PCGF2: variants seen among roughly 807,000 people sequenced by gnomAD.
PCGF2 encodes polycomb group ring finger 2.
A neutral mutation model predicts 36.1 loss-of-function variants in PCGF2; 8 were observed. The ratio of observed to expected loss-of-function variants is 0.22; its 90% confidence interval spans 0.13 to 0.40. PCGF2 has a LOEUF of 0.40. Ranked by LOEUF, PCGF2 falls within the 10% of genes least tolerant of loss-of-function variation. The pLI, the probability that PCGF2 is intolerant of heterozygous loss-of-function variation, is 1.00. For missense variants in PCGF2, 436 were observed against 475.9 expected, an observed-to-expected ratio of 0.92 and a Z score of 0.78; for synonymous variants, 198 against 191.2, an observed-to-expected ratio of 1.04 and a Z score of -0.29.
chr17:38,742,023 TCA>T (rs1444575497), intron 2 of PCGF2, among the ~76,000 whole-genome samples: 2 of 152,210 alleles, frequency 1.3e-5, no homozygotes, highest in Non-Finnish European at 2.9e-5. Context: ...CCACAGGCTC[TCA>T]CAGATGCCTG....
At chr17:38,736,216 G>A in intron 9 of PCGF2, 46 bp from the exon 10 acceptor site, 1 of 1,304,142 alleles carries the variant, frequency 7.7e-7, no homozygotes, top group Non-Finnish European at 1.1e-6. Flanking sequence ...CCAGCTCGGG[G>A]CTCCAGGCTG....
chr17:38,735,586 G>C lies in PCGF2; in HGVS notation c.672C>G (p.Pro224=), dbSNP rs1369061237. ...AGGCTGGCTGGACACGGTACTTGAGGGGGAGAGGCCCGTTCTGCGGGGAGA... is the reference window on the plus strand; with the variant it reads ...AGGCTGGCTGGACACGGTACTTGAGCGGGAGAGGCCCGTTCTGCGGGGAGA... ...IYPWRRNGPL[P]LKYRVQPACK... Residue 224 remains proline, a synonymous_variant, in exon 11 of 11, where the codon CCC becomes CCG. Coordinates refer to ENST00000620225, the MANE Select transcript of PCGF2 (RefSeq NM_007144.3). 4.4e-6 allele frequency: 7 copies of C among 1,576,024 alleles called. No individual in the cohort carries two copies. The highest frequency in any genetic ancestry group is 1.8e-5 in the Admixed American group (1 of 56,294).
chr17:38,749,123 G>A (rs115678428), upstream of PCGF2, among the ~76,000 whole-genome samples: 4,814 of 152,332 alleles, frequency 0.032, 251 homozygotes, highest in African/African-American at 0.11. The surrounding 1 kb of genome is among the most constrained non-coding windows in gnomAD (Gnocchi z 6.5). Context: ...GGGAACTCAG[G>A]CTCCGGGTCT....
At position 38,735,599 on chromosome 17, in the gene PCGF2, T is replaced by A. The variant is rs773177453; in HGVS notation, c.659A>T (p.Asn220Ile). 1.9e-6 allele frequency: 3 copies of A among 1,560,322 alleles called. No homozygotes were observed. The highest frequency in any genetic ancestry group is 8.7e-7 in the Non-Finnish European group (1 of 1,148,820). The change falls in exon 11 of 11, where the codon AAC becomes ATC. Residue 220 changes from asparagine (N) to isoleucine (I), a missense_variant and splice_region_variant. Physicochemically the swap from Asn to Ile is moderately radical, Grantham distance 149. Coordinates refer to ENST00000620225, the MANE Select transcript of PCGF2 (RefSeq NM_007144.3). ...ACGGTACTTGAGGGGGAGAGGCCCG[T>A]TCTGCGGGGAGAGTGGGGAGGAGAG... ...DIAYIYPWRRNGPLPLKYRVQ... is the reference protein window; with the variant it reads ...DIAYIYPWRRIGPLPLKYRVQ...
At chr17:38,742,017 A>G (rs1907233212) in intron 2 of PCGF2, among the ~76,000 whole-genome samples, 4 of 152,128 alleles carry the variant, frequency 2.6e-5, no homozygotes, top group Admixed American at 2.6e-4. Context: ...GACAAACCAC[A>G]GGCTCTCACA....
chr17:38,738,565 C>G lies in PCGF2; in HGVS notation c.456G>C (p.Glu152Asp). Reference sequence around the variant, plus strand: ...CTTTCTCTTTGTCCCCATCCCCATTCTCCAGGGGGCCCTTCTTCTCGTCCC... The same window carrying G: ...CTTTCTCTTTGTCCCCATCCCCATTGTCCAGGGGGCCCTTCTTCTCGTCCC... ...RDRDEKKGPLENGDGDKEKTG... is the reference protein window; with the variant it reads ...RDRDEKKGPLDNGDGDKEKTG... Residue 152 changes from glutamate (E) to aspartate (D), a missense_variant, in exon 8 of 11, where the codon GAG (glutamate) becomes GAC (aspartate). By Grantham distance (45) the Glu-to-Asp change is conservative (BLOSUM62 2). Coordinates refer to ENST00000620225, the MANE Select transcript of PCGF2 (RefSeq NM_007144.3). 1 of 1,589,268 alleles carries G rather than the reference C, an allele frequency of 6.3e-7. No individual in the cohort carries two copies. The highest frequency in any genetic ancestry group is 8.6e-7 in the Non-Finnish European group (1 of 1,166,472).
rs746360625 is a variant in PCGF2 at position 38,739,100 on chromosome 17, C to T, written c.284G>A (p.Arg95Gln). The change falls in exon 6 of 11, where the codon CGG becomes CAG. Residue 95 changes from arginine to glutamine, a missense_variant. Coordinates refer to ENST00000620225, the MANE Select transcript of PCGF2 (RefSeq NM_007144.3). This position sits in a 1 kb window ranked among gnomAD's most constrained non-coding sequence, Gnocchi z 4.0. ...CAGGGGGTACGCTGCATAGAAATCC[C>T]GCCGCCGTTTCATCTCATCTGGAAG... ...GLFKDEMKRR[R>Q]DFYAAYPLTE... 39 of 1,613,620 alleles carry T rather than the reference C, an allele frequency of 2.4e-5. No individual in the cohort carries two copies. The highest frequency in any genetic ancestry group is 2.7e-5 in the Non-Finnish European group (32 of 1,180,030).
chr17:38,735,299 CAGTT>C lies in PCGF2; in HGVS notation c.955_958del (p.Asn319AlafsTer14). The C allele has an allele frequency of 6.6e-7, 1 of 1,510,192 alleles. No homozygotes were observed. 93.5% of individuals were successfully genotyped at this position (1,510,192 alleles called of 1,614,324 possible). The stretch of plus-strand genomic sequence containing the variant: ...GCTGGTGGAGGATGGTGTCTGCAGG[CAGTT>C]CAAGCTACCCCCGTTGGCAGCTGTG... On this transcript the variant is annotated frameshift_variant, in exon 11 of 11. Coordinates refer to ENST00000620225, the MANE Select transcript of PCGF2 (RefSeq NM_007144.3). LOFTEE classifies it high-confidence loss of function.
chr17:38,748,697 G>C (rs1907725540), upstream of PCGF2, among the ~76,000 whole-genome samples: 1 of 152,136 alleles, frequency 6.6e-6, no homozygotes, highest in Non-Finnish European at 1.5e-5. Flanking sequence ...TCCCTAACTG[G>C]GGCGCCTGGA....
intron 3 of PCGF2, 31 bp downstream of exon 3, chr17:38,740,260 A>ACCCTGAGCAGCTCCCCTCCCCC (rs778590110): frequency 6.3e-7 from 1 of 1,596,634 alleles, no homozygotes; most frequent in Non-Finnish European, 8.6e-7. Context: ...GAGGCTGCCC[A>ACCCTGAGCAGCTCCCCTCCCCC]CCCTGAGCAG....
Position 38,734,825 on chromosome 17 carries a change from A to G in PCGF2, c.*398T>C, listed in dbSNP as rs1906548998. ...ATCATGCCTAAAGCTTTGGGTCTGA[A>G]GGGGCCCCCAACACACCACCTGCCT... On this transcript the variant is annotated 3_prime_UTR_variant, in exon 11 of 11. Transcript: ENST00000620225. 2 of 160,584 alleles carry G rather than the reference A, an allele frequency of 1.2e-5. No individual in the cohort carries two copies. Among genetic ancestry groups the G allele is most frequent in the Non-Finnish European group, 2.7e-5 (2 of 73,872 alleles). 9.9% of individuals were successfully genotyped at this position (160,584 alleles called of 1,614,324 possible).
In PCGF2 at chr17:38,745,493, A is replaced by C. The variant is rs185292498; in HGVS notation, c.-41+2386T>G. Among the ~76,000 whole-genome samples the C allele has an allele frequency of 2.5e-3, 379 of 152,346 alleles. 3 individuals carry two copies. Among genetic ancestry groups the C allele is most frequent in the Admixed American group, 6.2e-3 (95 of 15,310 alleles). On this transcript the variant is annotated intron_variant, in intron 2 of 10. Transcript: ENST00000620225. ...GCACTCCAAGCTGGGCCACAGAGTGAAAGAAACTCCATCTCAAAAAAAGAG... is the reference window on the plus strand; with the variant it reads ...GCACTCCAAGCTGGGCCACAGAGTGCAAGAAACTCCATCTCAAAAAAAGAG...
In PCGF2 at chr17:38,747,309, G is replaced by C. The variant is rs76519275; in HGVS notation, c.-41+570C>G. 2.6e-5 allele frequency among the ~76,000 whole-genome samples: 4 copies of C among 152,196 alleles called. No individual in the cohort carries two copies. The East Asian group carries it at 7.8e-4, about 30-fold the overall frequency. On this transcript the variant is annotated intron_variant, in intron 2 of 10. Transcript: ENST00000620225. ...CAGTAGGAGGGCGTGCGCAGGGTGGGGTGGCTGGGCGTCCCAGGGGAAGGG... is the reference window on the plus strand; with the variant it reads ...CAGTAGGAGGGCGTGCGCAGGGTGGCGTGGCTGGGCGTCCCAGGGGAAGGG...
intron 2 of PCGF2, among the ~76,000 whole-genome samples, chr17:38,744,547 G>T (rs1028397240): frequency 6.6e-6 from 1 of 152,090 alleles, no homozygotes; most frequent in Admixed American, 6.6e-5. Context: ...GTAGAGACAG[G>T]GTTTCACCAT....
At chr17:38,740,604 G>A (rs1052967694) in intron 2 of PCGF2, among the ~76,000 whole-genome samples, 162 bp from the exon 3 acceptor site, 4 of 152,156 alleles carry the variant, frequency 2.6e-5, no homozygotes, top group Non-Finnish European at 5.9e-5. Context: ...CTAAAAATAC[G>A]GAAAATCAGC....
Position 38,736,182 on chromosome 17 carries a change from A to C in PCGF2, c.577-12T>G. On this transcript the variant is annotated splice_polypyrimidine_tract_variant and intron_variant, in intron 9 of 10. Coordinates refer to ENST00000620225, the MANE Select transcript of PCGF2 (RefSeq NM_007144.3). ...TACAGAACCTCCACCTGGGGGAGGGAAGCGGAGGACACCATGACCCTGGCC... is the reference window on the plus strand; with the variant it reads ...TACAGAACCTCCACCTGGGGGAGGGCAGCGGAGGACACCATGACCCTGGCC... The C allele has an allele frequency of 1.3e-6, 2 of 1,551,378 alleles. No individual in the cohort carries two copies. The highest frequency in any genetic ancestry group is 1.7e-6 in the Non-Finnish European group (2 of 1,142,922).
chr17:38,749,136 G>A (rs528605286), upstream of PCGF2, among the ~76,000 whole-genome samples: 5 of 152,390 alleles, frequency 3.3e-5, no homozygotes, highest in South Asian at 1.0e-3. The surrounding 1 kb of genome is among the most constrained non-coding windows in gnomAD (Gnocchi z 6.5). Flanking sequence ...CCGGGTCTGG[G>A]ACACAATAAT....
At chr17:38,747,588 C>A (rs1598023750) in intron 2 of PCGF2, among the ~76,000 whole-genome samples, 1 of 131,468 alleles carries the variant, frequency 7.6e-6, no homozygotes. Context: ...GGCGCCGGGA[C>A]GGGGAGCGGG....
rs368022623 is a variant in PCGF2, at chr17:38,740,325, G to A, written c.78C>T (p.Ile26=). 1.3e-5 allele frequency: 21 copies of A among 1,610,892 alleles called. No homozygotes were observed. The highest frequency in any genetic ancestry group is 1.7e-5 in the Non-Finnish European group (20 of 1,178,046). Residue 26 remains isoleucine (I), a synonymous_variant, in exon 3 of 11, where the codon ATC becomes ATT. Transcript: ENST00000620225. ...LMCALCGGYF[I]DATTIVECLH... The stretch of plus-strand genomic sequence containing the variant: ...GGCACTCCACGATAGTGGTGGCGTC[G>A]ATGAAGTACCCCCCGCAGAGGGCAC...
Sources: allele counts gnomAD v4.1 joint callset (sites outside exome capture counted in the v4.1 genomes callset), GRCh38; gene constraint gnomAD v4.1.1; non-coding constraint Gnocchi (gnomAD v3.1); transcripts MANE v1.5; gene names NCBI Gene and HGNC (gene_info 2026-07-23, HGNC 2026-07-21).